The following REC114 variants were observed in gnomAD, a reference collection of about 807,000 sequenced individuals.
The protein encoded by REC114 is REC114 meiotic recombination protein, also known as meiotic recombination protein REC114.
A neutral mutation model predicts 31.3 loss-of-function variants in REC114; 27 were observed. That is an observed-to-expected ratio of 0.86 (90% CI 0.64 to 1.19). The LOEUF (loss-of-function observed/expected upper bound fraction) is 1.19, where lower values mean the gene tolerates loss of function less well. Ranked by LOEUF, REC114 falls within the 50% of genes most tolerant of loss-of-function variation. REC114 has a pLI of 0.00. For missense variants in REC114, 344 were observed against 326.9 expected, an observed-to-expected ratio of 1.05 and a Z score of -0.40; for synonymous variants, 134 against 127.7, an observed-to-expected ratio of 1.05 and a Z score of -0.33.
intron 2 of REC114, among the ~76,000 whole-genome samples, chr15:73,530,507 G>T (rs375428726): frequency 3.9e-5 from 6 of 152,108 alleles, no homozygotes; most frequent in African/African-American, 1.4e-4. Context: ...AATTAGCTGG[G>T]CATGGTGGTG....
intron 2 of REC114, among the ~76,000 whole-genome samples, chr15:73,517,520 G>C (rs1052906541): frequency 1.3e-5 from 2 of 151,926 alleles, no homozygotes; most frequent in East Asian, 1.9e-4. Flanking sequence ...TTAGAAGTGA[G>C]GGGGGGAAAG....
Position 73,487,137 on chromosome 15 carries a change from T to A in REC114, c.249+13216T>A, listed in dbSNP as rs527813960. 1.9e-3 allele frequency among the ~76,000 whole-genome samples: 283 copies of A among 152,306 alleles called. 1 individual carries two copies. The highest frequency in any genetic ancestry group is 3.4e-3 in the Middle Eastern group (1 of 294). Reference sequence around the variant, plus strand: ...TTAAAGGTTCTACTTCTGTATACTATCATATTGGCAATTAAGTTTCAACAT... The same window carrying A: ...TTAAAGGTTCTACTTCTGTATACTAACATATTGGCAATTAAGTTTCAACAT... On this transcript the variant is annotated intron_variant, in intron 2 of 5. Coordinates refer to ENST00000331090, the MANE Select transcript of REC114 (RefSeq NM_001042367.2).
chr15:73,466,592 C>A (rs1278462198), intron 1 of REC114, among the ~76,000 whole-genome samples: 1 of 152,018 alleles, frequency 6.6e-6, no homozygotes, highest in African/African-American at 2.4e-5. Context: ...CTAAGCATTT[C>A]CAAAAGGTAC....
At chr15:73,446,629 G>C (rs1230671349) in intron 1 of REC114, among the ~76,000 whole-genome samples, 1 of 150,486 alleles carries the variant, frequency 6.6e-6, no homozygotes, top group Non-Finnish European at 1.5e-5. Flanking sequence ...GACAGAGCAA[G>C]ACTCTGTCTC....
chr15:73,502,804 A>G (rs1027600998), intron 2 of REC114, among the ~76,000 whole-genome samples: 2 of 152,224 alleles, frequency 1.3e-5, no homozygotes, highest in Admixed American at 1.3e-4. Flanking sequence ...TGAAAATTTT[A>G]TGTTGATTTT....
At chr15:73,477,366 T>C (rs945813352) in intron 2 of REC114, among the ~76,000 whole-genome samples, 2 of 152,200 alleles carry the variant, frequency 1.3e-5, no homozygotes, top group East Asian at 3.8e-4. Context: ...TTTTCTCTTA[T>C]GGTTTATCCT....
chr15:73,533,796 T>C (rs1030638375), intron 2 of REC114, among the ~76,000 whole-genome samples: 10 of 142,440 alleles, frequency 7.0e-5, no homozygotes, highest in Non-Finnish European at 1.4e-4. Context: ...AGTAAAGCTC[T>C]CCTCAGCAAA....
At chr15:73,507,485 T>G (rs1389869273) in intron 2 of REC114, among the ~76,000 whole-genome samples, 1 of 152,134 alleles carries the variant, frequency 6.6e-6, no homozygotes, top group Non-Finnish European at 1.5e-5. Context: ...TCTGGAGGCT[T>G]TATAAGAATT....
intron 2 of REC114, among the ~76,000 whole-genome samples, chr15:73,506,089 T>G (rs1171134217): frequency 6.6e-6 from 1 of 152,212 alleles, no homozygotes; most frequent in East Asian, 1.9e-4. Context: ...TTTAGCCATT[T>G]TATACAGAAA....
intron 2 of REC114, among the ~76,000 whole-genome samples, chr15:73,529,627 T>TA (rs1894050291): frequency 6.6e-6 from 1 of 152,208 alleles, no homozygotes; most frequent in African/African-American, 2.4e-5. Flanking sequence ...CTATTTTCTC[T>TA]AGCTTTGAAT....
intron 1 of REC114, among the ~76,000 whole-genome samples, chr15:73,466,460 A>G (rs1207075801): frequency 6.6e-6 from 1 of 152,060 alleles, no homozygotes; most frequent in African/African-American, 2.4e-5. Context: ...AGGCTGAGGC[A>G]GGAGAATCAC....
At chr15:73,463,761 C>T (rs531551035) in intron 1 of REC114, among the ~76,000 whole-genome samples, 1 of 151,642 alleles carries the variant, frequency 6.6e-6, no homozygotes, top group African/African-American at 2.4e-5. Flanking sequence ...ACAGAGGTTT[C>T]AGTGAGCCAA....
chr15:73,473,141 G>A (rs889562118), intron 1 of REC114, among the ~76,000 whole-genome samples: 5 of 152,178 alleles, frequency 3.3e-5, no homozygotes, highest in African/African-American at 1.2e-4. Context: ...TGTAATCCCA[G>A]CACTTTGGGA....
At chr15:73,505,468 C>A (rs1893663653) in intron 2 of REC114, among the ~76,000 whole-genome samples, 1 of 152,150 alleles carries the variant, frequency 6.6e-6, no homozygotes, top group African/African-American at 2.4e-5. Context: ...CTTTTCTGTT[C>A]TACCAATGCC....
At chr15:73,535,807 G>A (rs1191962035) in intron 2 of REC114, among the ~76,000 whole-genome samples, 3 of 151,698 alleles carry the variant, frequency 2.0e-5, no homozygotes, top group Admixed American at 6.6e-5. Context: ...AAAACAGCAT[G>A]GGACTGGTAC....
At chr15:73,546,413 G>A (rs1894308718) in intron 3 of REC114, among the ~76,000 whole-genome samples, 1 of 151,874 alleles carries the variant, frequency 6.6e-6, no homozygotes, top group Non-Finnish European at 1.5e-5. Context: ...GCTTGTTAAA[G>A]CTTTGTGGTT....
chr15:73,489,469 C>T (rs1893415714), intron 2 of REC114, among the ~76,000 whole-genome samples: 1 of 151,802 alleles, frequency 6.6e-6, no homozygotes, highest in Admixed American at 6.6e-5. Context: ...GCTTCCCAAA[C>T]TGTTGGGATT....
chr15:73,556,246 T>C, intron 4 of REC114, 56 bp from the exon 5 acceptor site: 1 of 1,437,694 alleles, frequency 7.0e-7, no homozygotes, highest in Admixed American at 1.9e-5. Context: ...TTAATGGCCT[T>C]TGGTATTTAA....
intron 2 of REC114, among the ~76,000 whole-genome samples, chr15:73,503,016 A>G (rs1893622911): frequency 6.6e-6 from 1 of 152,240 alleles, no homozygotes; most frequent in Admixed American, 6.5e-5. Context: ...GAACTATAAT[A>G]CAACTGTTTG....
Sources: gnomAD v4.1 joint callset for allele counts (sites outside exome capture counted in the v4.1 genomes callset) on GRCh38, gnomAD v4.1.1 for gene constraint, MANE v1.5 for transcripts, NCBI Gene and HGNC (gene_info 2026-07-23, HGNC 2026-07-21) for gene names.